AVEN: variants seen among roughly 807,000 people sequenced by gnomAD.
AVEN encodes the protein cell death regulator Aven.
Under a neutral mutation model 38.1 loss-of-function variants are expected in AVEN, and 41 were observed. The ratio of observed to expected loss-of-function variants is 1.08; its 90% CI spans 0.84 to 1.40. The LOEUF is 1.40. Among genes scored for constraint, AVEN ranks in the 40% most tolerant of loss-of-function variants. AVEN has a pLI of 0.00. For synonymous variants in AVEN, 206 were observed against 171.8 expected (o/e 1.20, Z -1.56); for missense variants, 605 against 438.8 (o/e 1.38, Z -3.38).
At chr15:34,064,946 T>C (rs1247026820) in intron 4 of AVEN, 1 of 167,616 alleles carries the variant, frequency 6.0e-6, no homozygotes, top group African/African-American at 2.4e-5. Flanking sequence ...CAATGTCAAT[T>C]CCTTGTACTC....
At position 33,866,745 on chromosome 15, in the gene AVEN, A is replaced by C. The variant is rs780930053; in HGVS notation, c.974-17T>G. On this transcript the variant is annotated splice_polypyrimidine_tract_variant and intron_variant, in intron 5 of 5. Coordinates refer to ENST00000306730, the MANE Select transcript of AVEN (RefSeq NM_020371.3). ...TTGCACAAACTGGGGGAAAAAAAAC[A>C]ATGTTAACACCCTCAGATGAGTCCT... 1 of 1,561,084 alleles carries C rather than the reference A, an allele frequency of 6.4e-7. No individual in the cohort carries two copies. The highest frequency in any genetic ancestry group is 8.8e-7 in the Non-Finnish European group (1 of 1,132,152).
chr15:33,891,235 G>A (rs928439573), intron 2 of AVEN, among the ~76,000 whole-genome samples: 2 of 152,024 alleles, frequency 1.3e-5, no homozygotes, highest in Admixed American at 1.3e-4. Context: ...ATTTTTTAAT[G>A]GTTTGTTTTT....
chr15:34,046,398 T>C (rs1455199413), intron 5 of AVEN: 1 of 150,610 alleles, frequency 6.6e-6, no homozygotes. Flanking sequence ...AGGCTAATTA[T>C]ATTAATTTCG....
intron 1 of AVEN, among the ~76,000 whole-genome samples, chr15:34,073,364 A>G (rs1900668698): frequency 6.6e-6 from 1 of 150,980 alleles, no homozygotes; most frequent in Non-Finnish European, 1.5e-5. Flanking sequence ...CTGTACAGAC[A>G]CTTTTTTAAA....
intron 2 of AVEN, among the ~76,000 whole-genome samples, chr15:33,901,686 T>A (rs1377375764): frequency 6.6e-6 from 1 of 152,210 alleles, no homozygotes; most frequent in African/African-American, 2.4e-5. Context: ...ACATCTTGAC[T>A]TTTTTATAAC....
In AVEN at chr15:33,904,714, T is replaced by TACACACACACACACACACAC. The variant is rs201939919; in HGVS notation, c.446-28720_446-28719insGTGTGTGTGTGTGTGTGTGT. On this transcript the variant is annotated intron_variant, in intron 2 of 5. Coordinates refer to ENST00000306730, the MANE Select transcript of AVEN (RefSeq NM_020371.3). ...AAAAAAATATATATATATATATATA[T>TACACACACACACACACACAC]ATACACACACACACGAATATGCACG... Among the ~76,000 whole-genome samples, 567 of 142,676 alleles carry TACACACACACACACACACAC rather than the reference T, an allele frequency of 4.0e-3. 3 individuals are homozygous for TACACACACACACACACACAC. Among genetic ancestry groups the TACACACACACACACACACAC allele is most frequent in the Admixed American group, 0.011 (159 of 14,112 alleles). The allele number at this position is 142,676 out of a possible 152,430, so 93.6% of individuals were successfully genotyped here.
At chr15:33,932,602 G>T (rs983163262) in intron 2 of AVEN, among the ~76,000 whole-genome samples, 1 of 152,096 alleles carries the variant, frequency 6.6e-6, no homozygotes, top group South Asian at 2.1e-4. Flanking sequence ...TGAGGTGGAG[G>T]GATCATGAGG....
chr15:33,984,330 T>A (rs750040191), intron 2 of AVEN, among the ~76,000 whole-genome samples: 116 of 152,100 alleles, frequency 7.6e-4, no homozygotes, highest in Non-Finnish European at 1.4e-3. Context: ...AATGTCATTT[T>A]ATTAAGTTAA....
intron 2 of AVEN, among the ~76,000 whole-genome samples, chr15:33,892,620 T>C (rs1192786215): frequency 6.6e-6 from 1 of 151,864 alleles, no homozygotes; most frequent in Non-Finnish European, 1.5e-5. Context: ...TGCTGTTTGG[T>C]AGCCTTGTAG....
At chr15:33,939,027 G>C (rs1172896995) in intron 2 of AVEN, among the ~76,000 whole-genome samples, 4 of 152,138 alleles carry the variant, frequency 2.6e-5, no homozygotes, top group Non-Finnish European at 5.9e-5. Context: ...ATTTTTAGTA[G>C]AGACAGGGTT....
chr15:33,862,688 G>A (rs77449798), downstream of AVEN, among the ~76,000 whole-genome samples: 4,796 of 151,946 alleles, frequency 0.032, 209 homozygotes, highest in East Asian at 0.25. Flanking sequence ...TTGGCTCACT[G>A]TAGCCTCCAC....
chr15:33,854,906 C>G, downstream of AVEN: 5 of 1,609,538 alleles, frequency 3.1e-6, no homozygotes, highest in Non-Finnish European at 3.4e-6. Context: ...CTCACAATGG[C>G]AAACAGGTAT....
intron 3 of AVEN, among the ~76,000 whole-genome samples, chr15:33,873,026 C>T (rs1891052322): frequency 6.6e-6 from 1 of 150,546 alleles, no homozygotes; most frequent in Non-Finnish European, 1.5e-5. Context: ...GGATTTTGGA[C>T]ATGTCTCCCT....
intron 1 of AVEN, among the ~76,000 whole-genome samples, chr15:34,030,205 G>C (rs1322684603): frequency 6.6e-6 from 1 of 152,144 alleles, no homozygotes; most frequent in Non-Finnish European, 1.5e-5. Flanking sequence ...AGGGAGCTGA[G>C]ATCACACCAC....
chr15:33,868,387 A>C (rs113749805), intron 4 of AVEN, among the ~76,000 whole-genome samples: 26 of 146,856 alleles, frequency 1.8e-4, no homozygotes, highest in South Asian at 1.6e-3. Context: ...AACAAACAAA[A>C]AACAAAAAAA....
intron 1 of AVEN, among the ~76,000 whole-genome samples, chr15:34,020,001 C>T (rs957530222): frequency 2.0e-5 from 3 of 152,110 alleles, no homozygotes; most frequent in African/African-American, 7.2e-5. Flanking sequence ...TTTTAAACAC[C>T]TTTTCCATGC....
intron 5 of AVEN, among the ~76,000 whole-genome samples, chr15:34,052,535 T>C (rs1899965129): frequency 6.6e-6 from 1 of 152,196 alleles, no homozygotes; most frequent in South Asian, 2.1e-4. Flanking sequence ...CATATTCAAA[T>C]AGGAAGACAG....
intron 2 of AVEN, among the ~76,000 whole-genome samples, chr15:33,952,438 T>C (rs1304692068): frequency 2.0e-5 from 3 of 152,304 alleles, no homozygotes; most frequent in Admixed American, 6.5e-5. Context: ...TTGCAGGAAA[T>C]GAGAAATTAA....
intron 1 of AVEN, among the ~76,000 whole-genome samples, chr15:34,013,035 T>C (rs1409731433): frequency 6.6e-6 from 1 of 151,908 alleles, no homozygotes; most frequent in African/African-American, 2.4e-5. Flanking sequence ...CTGACCAGTG[T>C]CTCCTCCTAT....
Sources: gnomAD v4.1 joint callset for allele counts (sites outside exome capture counted in the v4.1 genomes callset) on GRCh38, gnomAD v4.1.1 for gene constraint, MANE v1.5 for transcripts, NCBI Gene and HGNC (gene_info 2026-07-23, HGNC 2026-07-21) for gene names.